Variants in KCNMB2 observed in about 807,000 individuals in gnomAD.
The protein encoded by KCNMB2 is potassium calcium-activated channel subfamily M regulatory beta subunit 2, also known as calcium-activated potassium channel subunit beta-2.
KCNMB2 carries 9 observed loss-of-function variants against 24.5 expected under a neutral mutation model. The observed-to-expected ratio is 0.37, with a 90% CI of 0.22 to 0.64. The LOEUF is 0.64. KCNMB2 is among the 30% of genes least tolerant of loss of function. The pLI, the probability that KCNMB2 is intolerant of heterozygous loss-of-function variation, is 0.63. For synonymous variants in KCNMB2, 109 were observed against 104.4 expected (o/e 1.04, Z -0.27); for missense variants, 226 against 284.3 (o/e 0.79, Z 1.47).
At chr3:178,783,543 T>C (rs1419257185) in intron 1 of KCNMB2, among the ~76,000 whole-genome samples, 94 of 149,082 alleles carry the variant, frequency 6.3e-4, no homozygotes, top group African/African-American at 1.7e-3. Flanking sequence ...TATTTTATTC[T>C]CTTTGAAGCA....
intron 1 of KCNMB2, among the ~76,000 whole-genome samples, chr3:178,556,583 T>C (rs1716132396): frequency 1.3e-5 from 2 of 152,088 alleles, no homozygotes; most frequent in African/African-American, 2.4e-5. Context: ...TTTTTTGTAT[T>C]TTTAGTAGAG....
intron 1 of KCNMB2, among the ~76,000 whole-genome samples, chr3:178,624,529 T>A (rs887220195): frequency 2.0e-5 from 3 of 152,086 alleles, no homozygotes; most frequent in African/African-American, 7.2e-5. Context: ...ATGTTAGTAA[T>A]TTCATAATAT....
At chr3:178,682,675 C>CA (rs113899311) in intron 1 of KCNMB2, among the ~76,000 whole-genome samples, 6 of 149,962 alleles carry the variant, frequency 4.0e-5, no homozygotes, top group East Asian at 2.0e-4. Flanking sequence ...ATTGAACAAG[C>CA]AAAAAAAACC....
chr3:178,731,350 T>C (rs1046965019), intron 1 of KCNMB2, among the ~76,000 whole-genome samples: 1 of 152,172 alleles, frequency 6.6e-6, no homozygotes, highest in African/African-American at 2.4e-5. Flanking sequence ...TTTTCCAACA[T>C]TTCGGGCTAG....
At chr3:178,679,424 A>C (rs567461559) in intron 1 of KCNMB2, among the ~76,000 whole-genome samples, 1 of 152,312 alleles carries the variant, frequency 6.6e-6, no homozygotes, top group African/African-American at 2.4e-5. Context: ...CAGTGGAATG[A>C]ATGAATGCGT....
intron 1 of KCNMB2, among the ~76,000 whole-genome samples, chr3:178,599,358 C>T (rs1390132655): frequency 1.3e-5 from 2 of 152,098 alleles, no homozygotes; most frequent in African/African-American, 4.8e-5. Context: ...AATAAAGATG[C>T]TCCTGAAATC....
chr3:178,840,657 C>T (rs1715394641), intron 4 of KCNMB2, among the ~76,000 whole-genome samples: 1 of 152,238 alleles, frequency 6.6e-6, no homozygotes, highest in Non-Finnish European at 1.5e-5. Flanking sequence ...TTGGGGCTTG[C>T]ACCCTCTGAA....
In KCNMB2 at chr3:178,844,286, G is replaced by A. The variant is rs574049382; in HGVS notation, c.*1349G>A. 150 of 152,498 alleles carry A rather than the reference G, an allele frequency of 9.8e-4. No individual in the cohort carries two copies. The highest frequency in any genetic ancestry group is 2.6e-3 in the Admixed American group (39 of 15,278). 9.4% of individuals were successfully genotyped at this position (152,498 alleles called of 1,614,324 possible). Reference sequence around the variant, plus strand: ...TGCAAAATTTTACAAATCATTTGTGGAATGAATGGTAAAACTAATCTGATG... The same window carrying A: ...TGCAAAATTTTACAAATCATTTGTGAAATGAATGGTAAAACTAATCTGATG... On this transcript the variant is annotated 3_prime_UTR_variant, in exon 5 of 5. Coordinates refer to ENST00000452583, the MANE Select transcript of KCNMB2 (RefSeq NM_181361.3).
At chr3:178,727,967 T>C (rs1723018076) in intron 1 of KCNMB2, among the ~76,000 whole-genome samples, 1 of 152,238 alleles carries the variant, frequency 6.6e-6, no homozygotes, top group South Asian at 2.1e-4. Flanking sequence ...GCACTTACCA[T>C]ACAGTCAGTA....
intron 1 of KCNMB2, among the ~76,000 whole-genome samples, chr3:178,794,813 GC>G (rs1237953694): frequency 6.6e-6 from 1 of 152,160 alleles, no homozygotes; most frequent in Non-Finnish European, 1.5e-5. Flanking sequence ...TCTGTGAAGA[GC>G]CCCCTGGCCA....
At chr3:178,591,299 G>A (rs1210976237) in intron 1 of KCNMB2, among the ~76,000 whole-genome samples, 2 of 152,202 alleles carry the variant, frequency 1.3e-5, no homozygotes, top group African/African-American at 4.8e-5. Flanking sequence ...AGAAAGAGCT[G>A]ACTGTTTCAC....
At chr3:178,571,114 T>C (rs1237545975) in intron 1 of KCNMB2, among the ~76,000 whole-genome samples, 1 of 152,212 alleles carries the variant, frequency 6.6e-6, no homozygotes, top group East Asian at 1.9e-4. Context: ...AATTACTATG[T>C]GTACTTTAAA....
At chr3:178,719,027 C>A (rs2108356588) in intron 1 of KCNMB2, among the ~76,000 whole-genome samples, 1 of 152,328 alleles carries the variant, frequency 6.6e-6, no homozygotes, top group Admixed American at 6.5e-5. Context: ...TCTCTCGCAG[C>A]CTCCAGCCCA....
intron 1 of KCNMB2, among the ~76,000 whole-genome samples, chr3:178,651,731 C>A (rs1393521869): frequency 1.3e-5 from 2 of 152,150 alleles, no homozygotes; most frequent in Non-Finnish European, 2.9e-5. Flanking sequence ...ATAAATAGAA[C>A]AATGGAAAAG....
At chr3:178,722,398 A>G (rs1173293727) in intron 1 of KCNMB2, among the ~76,000 whole-genome samples, 1 of 152,148 alleles carries the variant, frequency 6.6e-6, no homozygotes, top group Non-Finnish European at 1.5e-5. Context: ...TCAATATCAA[A>G]CTGTTGGCAT....
At position 178,579,199 on chromosome 3, in the gene KCNMB2, A is replaced by T. The variant is rs542227555; in HGVS notation, c.-68+42488A>T. On this transcript the variant is annotated intron_variant, in intron 1 of 4. Coordinates refer to ENST00000452583, the MANE Select transcript of KCNMB2 (RefSeq NM_181361.3). ...CAGACTACAATGCAATCAAATTAGA[A>T]CTCAGGATTAAGAAACTCACTCAAA... is the stretch of plus-strand genomic sequence containing the variant. 5.3e-5 allele frequency among the ~76,000 whole-genome samples: 8 copies of T among 152,310 alleles called. No homozygotes were observed. In the South Asian group the frequency reaches 1.2e-3, roughly 24 times the overall value.
chr3:178,757,373 TCC>T (rs1560005043), intron 1 of KCNMB2, among the ~76,000 whole-genome samples: 9 of 57,902 alleles, frequency 1.6e-4, no homozygotes, highest in South Asian at 5.1e-4. Context: ...TATATATATA[TCC>T]AAGAGGATAT....
chr3:178,618,482 C>T (rs2108524556), intron 1 of KCNMB2, among the ~76,000 whole-genome samples: 1 of 152,314 alleles, frequency 6.6e-6, no homozygotes, highest in South Asian at 2.1e-4. Context: ...ATAGCAAGAG[C>T]TTCGTTCTTG....
intron 1 of KCNMB2, among the ~76,000 whole-genome samples, chr3:178,663,181 A>C (rs1204207864): frequency 6.6e-6 from 1 of 152,090 alleles, no homozygotes; most frequent in East Asian, 1.9e-4. Context: ...AAGGAGTAAG[A>C]AAGGGCAAGC....
Sources: allele counts gnomAD v4.1 joint callset (sites outside exome capture counted in the v4.1 genomes callset), GRCh38; gene constraint gnomAD v4.1.1; transcripts MANE v1.5; gene names NCBI Gene and HGNC (gene_info 2026-07-23, HGNC 2026-07-21).